Variants in TET2 observed in about 807,000 individuals in gnomAD.
TET2 encodes methylcytosine dioxygenase TET2.
Under a neutral mutation model 142.9 loss-of-function variants are expected in TET2, and 299 were observed. That is an observed-to-expected ratio of 2.09 (90% CI 1.90 to 2.30). The LOEUF is 2.30. Ranked by LOEUF, TET2 falls within the 30% of genes most tolerant of loss-of-function variation. TET2 has a pLI of 0.00. For missense variants in TET2, 2,418 were observed against 2,378.0 expected (o/e 1.02, Z -0.35); for synonymous variants, 819 against 849.0 (o/e 0.96, Z 0.61).
At chr4:105,255,786 A>G (rs1362632048) in intron 6 of TET2, among the ~76,000 whole-genome samples, 2 of 151,944 alleles carry the variant, frequency 1.3e-5, no homozygotes, top group South Asian at 2.1e-4. Flanking sequence ...TAATTTTTCA[A>G]TTTATATACA....
intron 1 of TET2, among the ~76,000 whole-genome samples, chr4:105,176,075 A>C (rs1724774944): frequency 6.6e-6 from 1 of 152,186 alleles, no homozygotes; most frequent in Non-Finnish European, 1.5e-5. Flanking sequence ...CTTTAGAGAG[A>C]GGTAAAATGA....
intron 9 of TET2, among the ~76,000 whole-genome samples, chr4:105,271,674 AATTTT>A (rs1390686384): frequency 2.6e-5 from 4 of 152,216 alleles, no homozygotes; most frequent in Non-Finnish European, 5.9e-5. Context: ...AATATCTTCT[AATTTT>A]ATTTTAGATC....
rs1730449547 is a variant in TET2, at chr4:105,261,837, T to A, written c.4033T>A (p.Tyr1345Asn). 1 of 1,544,722 alleles carries A rather than the reference T, an allele frequency of 6.5e-7. No individual in the cohort carries two copies. Among genetic ancestry groups the A allele is most frequent in the Non-Finnish European group, 8.8e-7 (1 of 1,141,950 alleles). Residue 1345 changes from tyrosine (Y) to asparagine (N), a missense_variant, in exon 8 of 11, where the codon TAT becomes AAT. Physicochemically the swap from Tyr to Asn is moderately radical, Grantham distance 143. Transcript: ENST00000380013. ...ATATAAGAAACTTGCACCTGATGCA[T>A]ATAATAATCAGGTAAGTTTAAATAA... Reference protein sequence around the residue: ...PTYKKLAPDAYNNQIEYEHRA... With the variant: ...PTYKKLAPDANNNQIEYEHRA...
At chr4:105,159,023 A>G (rs1415065610) in intron 1 of TET2, among the ~76,000 whole-genome samples, 1 of 152,052 alleles carries the variant, frequency 6.6e-6, no homozygotes. Flanking sequence ...CCATCCTAGG[A>G]TTCCAGAGAC....
At chr4:105,163,806 C>CGAGAGA (rs59658275) in intron 1 of TET2, among the ~76,000 whole-genome samples, 154 of 79,760 alleles carry the variant, frequency 1.9e-3, no homozygotes, top group South Asian at 3.6e-3. Flanking sequence ...TCGAAAGTTT[C>CGAGAGA]GAGAGAGAGA....
At chr4:105,154,756 G>A (rs1560710212) in intron 1 of TET2, among the ~76,000 whole-genome samples, 4 of 152,260 alleles carry the variant, frequency 2.6e-5, no homozygotes, top group Admixed American at 6.5e-5. Flanking sequence ...TGGGTGCGGT[G>A]GCTCACACCT....
At chr4:105,190,181 T>C (rs1725701793) in intron 1 of TET2, among the ~76,000 whole-genome samples, 179 bp from the exon 2 acceptor site, 1 of 152,208 alleles carries the variant, frequency 6.6e-6, no homozygotes, top group African/African-American at 2.4e-5. Flanking sequence ...AGAATTGTTA[T>C]TATGGTACAT....
intron 1 of TET2, among the ~76,000 whole-genome samples, chr4:105,178,246 GAAT>G (rs1202984185): frequency 1.3e-5 from 2 of 152,118 alleles, no homozygotes; most frequent in African/African-American, 2.4e-5. Flanking sequence ...CCAGATGTAA[GAAT>G]ATTATTCAGC....
rs587778702 is a variant in TET2 at position 105,275,327 on chromosome 4, G to C, written c.4817G>C (p.Gly1606Ala). 1.4e-5 allele frequency: 21 copies of C among 1,551,698 alleles called. No homozygotes were observed. In the East Asian group the frequency reaches 3.4e-4, roughly 25 times the overall value. Residue 1606 changes from glycine to alanine, a missense_variant, in exon 11 of 11, where the codon GGT becomes GCT. Gly to Ala is a moderately conservative substitution (Grantham distance 60). Coordinates refer to ENST00000380013, the MANE Select transcript of TET2 (RefSeq NM_001127208.3). ...NFYSTSSQAAGSYLNSSNPMN... is the reference protein window; with the variant it reads ...NFYSTSSQAAASYLNSSNPMN... ...TATTCCACCTCATCTCAAGCTGCAG[G>C]TTCATATTTGAATTCTTCTAATCCC...
rs1458426378 is a variant in TET2, at chr4:105,272,852, A to G, written c.4471A>G (p.Lys1491Glu). 6.4e-7 allele frequency: 1 copy of G among 1,551,104 alleles called. No individual in the cohort carries two copies. The highest frequency in any genetic ancestry group is 8.7e-7 in the Non-Finnish European group (1 of 1,146,872). Reference protein sequence around the residue: ...SLENSSNKNEKEKSAPSRTKQ... With the variant: ...SLENSSNKNEEEKSAPSRTKQ... Reference sequence around the variant, plus strand: ...GGAGAACAGCTCAAATAAAAATGAAAAGGAAAAGTCAGCCCCATCACGTAC... The same window carrying G: ...GGAGAACAGCTCAAATAAAAATGAAGAGGAAAAGTCAGCCCCATCACGTAC... The change falls in exon 10 of 11, where the codon AAG becomes GAG. Residue 1491 changes from lysine (K) to glutamate (E), a missense_variant. By Grantham distance (56) the Lys-to-Glu change is moderately conservative. Transcript: ENST00000380013.
chr4:105,275,349 T>A lies in TET2; in HGVS notation c.4839T>A (p.Asn1613Lys), dbSNP rs1560573273. The A allele has an allele frequency of 6.4e-7, 1 of 1,551,764 alleles. No individual in the cohort carries two copies. Among genetic ancestry groups the A allele is most frequent in the Non-Finnish European group, 8.7e-7 (1 of 1,146,986 alleles). The change falls in exon 11 of 11, where the codon AAT (asparagine) becomes AAA (lysine). Residue 1613 changes from asparagine (N) to lysine (K), a missense_variant. By Grantham distance (94) the Asn-to-Lys change is moderately conservative. Transcript: ENST00000380013. The stretch of plus-strand genomic sequence containing the variant: ...CAGGTTCATATTTGAATTCTTCTAA[T>A]CCCATGAACCCTTACCCTGGGCTTT... ...QAAGSYLNSS[N>K]PMNPYPGLLN... is the part of the protein sequence containing the mutation.
At chr4:105,204,234 T>TACACACACACACACAC (rs763239434) in intron 2 of TET2, among the ~76,000 whole-genome samples, 2 of 125,950 alleles carry the variant, frequency 1.6e-5, no homozygotes, top group African/African-American at 2.9e-5. Flanking sequence ...AAAAAATATA[T>TACACACACACACACAC]ACACACACAC....
chr4:105,218,852 A>G (rs1306991494), intron 2 of TET2, among the ~76,000 whole-genome samples: 1 of 151,898 alleles, frequency 6.6e-6, no homozygotes, highest in Non-Finnish European at 1.5e-5. Context: ...AAAAATATAT[A>G]TAATGTCTAT....
At chr4:105,229,968 GT>G (rs1416270985) in intron 2 of TET2, among the ~76,000 whole-genome samples, 8 of 151,906 alleles carry the variant, frequency 5.3e-5, no homozygotes, top group African/African-American at 4.8e-5. Context: ...GATGTAGGTT[GT>G]TTCTAACCTT....
In TET2 at chr4:105,236,582, C is replaced by T. The variant is rs1728932223; in HGVS notation, c.2640C>T (p.His880=). The T allele has an allele frequency of 1.2e-6, 2 of 1,613,972 alleles. No individual in the cohort carries two copies. Among genetic ancestry groups the T allele is most frequent in the East Asian group, 2.2e-5 (1 of 44,856 alleles). The change falls in exon 3 of 11, where the codon CAC becomes CAT. Residue 880 remains histidine, a synonymous_variant. Coordinates refer to ENST00000380013, the MANE Select transcript of TET2 (RefSeq NM_001127208.3). ...TGATCCCAAAGCAAGATCTTCTTCA[C>T]AGGTGCTTTCAAGAACAGGAGCAGA... is the stretch of plus-strand genomic sequence containing the variant. ...NNVIPKQDLL[H]RCFQEQEQKS...
intron 9 of TET2, among the ~76,000 whole-genome samples, chr4:105,270,696 A>ATG (rs1730914029): frequency 7.7e-6 from 1 of 130,490 alleles, no homozygotes; most frequent in Admixed American, 7.6e-5. Context: ...ATATATATAT[A>ATG]TATGTTCTAT....
chr4:105,149,458 T>C (rs1488860727), intron 1 of TET2, among the ~76,000 whole-genome samples: 1 of 152,198 alleles, frequency 6.6e-6, no homozygotes, highest in Admixed American at 6.5e-5. Flanking sequence ...TTATCCTTTG[T>C]TGGAAAAGAG....
intron 1 of TET2, among the ~76,000 whole-genome samples, chr4:105,153,605 C>G (rs958100815): frequency 1.3e-5 from 2 of 152,120 alleles, no homozygotes; most frequent in East Asian, 3.8e-4. Flanking sequence ...ATTCTTATCC[C>G]TATTTATGAG....
At chr4:105,215,723 A>C (rs1727451536) in intron 2 of TET2, among the ~76,000 whole-genome samples, 1 of 152,138 alleles carries the variant, frequency 6.6e-6, no homozygotes, top group South Asian at 2.1e-4. Flanking sequence ...CCTTATCTGC[A>C]GTGATTTTAC....
Sources: gnomAD v4.1 joint callset for allele counts (sites outside exome capture counted in the v4.1 genomes callset) on GRCh38, gnomAD v4.1.1 for gene constraint, MANE v1.5 for transcripts, NCBI Gene and HGNC (gene_info 2026-07-23, HGNC 2026-07-21) for gene names.